Variants in CHN2 observed in about 807,000 individuals in gnomAD.
CHN2 encodes the protein chimerin 2.
Under a neutral mutation model 56.3 loss-of-function variants are expected in CHN2, and 35 were observed. The ratio of observed to expected loss-of-function variants is 0.62; its 90% CI spans 0.47 to 0.82. The LOEUF is 0.82. CHN2 is among the 40% of genes least tolerant of loss of function. CHN2 has a pLI of 0.00. For missense variants in CHN2, 491 were observed against 580.5 expected (o/e 0.85, Z 1.58); for synonymous variants, 210 against 212.8 (o/e 0.99, Z 0.12).
At chr7:29,446,596 C>G (rs533661777) in intron 6 of CHN2, among the ~76,000 whole-genome samples, 2 of 152,182 alleles carry the variant, frequency 1.3e-5, no homozygotes, top group South Asian at 4.1e-4. Context: ...TGCTGTGGGT[C>G]CAGCAGCTAG....
chr7:29,478,838 A>G (rs1786834632), intron 6 of CHN2, among the ~76,000 whole-genome samples: 1 of 152,192 alleles, frequency 6.6e-6, no homozygotes, highest in Non-Finnish European at 1.5e-5. Context: ...TTATTATTGA[A>G]GGTCATGAGA....
At chr7:29,481,574 A>G (rs565254407) in intron 7 of CHN2, among the ~76,000 whole-genome samples, 1 of 151,998 alleles carries the variant, frequency 6.6e-6, no homozygotes, top group South Asian at 2.1e-4. Flanking sequence ...TGCATTGCAT[A>G]GGTCCTCTTC....
intron 1 of CHN2, among the ~76,000 whole-genome samples, chr7:29,325,079 C>G (rs2128897661): frequency 6.6e-6 from 1 of 152,254 alleles, no homozygotes; most frequent in South Asian, 2.1e-4. Flanking sequence ...ATTTTTGACT[C>G]CCTTTACAGT....
intron 6 of CHN2, among the ~76,000 whole-genome samples, chr7:29,422,268 T>C (rs571591950): frequency 1.3e-5 from 2 of 152,366 alleles, no homozygotes; most frequent in East Asian, 1.9e-4. Context: ...TCTTTCAGCC[T>C]GAGCTTTAAG....
chr7:29,406,745 G>A (rs1802685911), intron 6 of CHN2, among the ~76,000 whole-genome samples: 1 of 152,148 alleles, frequency 6.6e-6, no homozygotes, highest in Admixed American at 6.5e-5. Flanking sequence ...ACTCTGGGGT[G>A]CCCTCCGCCA....
chr7:29,488,737 G>C (rs1490274196), intron 7 of CHN2, among the ~76,000 whole-genome samples: 1 of 151,490 alleles, frequency 6.6e-6, no homozygotes, highest in East Asian at 1.9e-4. Context: ...ACAGATATTT[G>C]TGATTTGTCC....
At chr7:29,335,607 G>A (rs1796551318) in intron 1 of CHN2, 3 of 152,236 alleles carry the variant, frequency 2.0e-5, no homozygotes, top group Admixed American at 2.0e-4. Flanking sequence ...CTAGTTGGTA[G>A]TCTGTACTAG....
At chr7:29,332,843 T>C (rs1796325001) in intron 1 of CHN2, 1 of 151,900 alleles carries the variant, frequency 6.6e-6, no homozygotes, top group African/African-American at 2.4e-5. Context: ...GATGATATTT[T>C]CAACTTATGA....
intron 4 of CHN2, among the ~76,000 whole-genome samples, chr7:29,396,488 T>C (rs765821916): frequency 2.8e-5 from 4 of 142,332 alleles, no homozygotes; most frequent in Non-Finnish European, 6.1e-5. Flanking sequence ...AAAAAAAATC[T>C]AGCTGCTTTT....
intron 1 of CHN2, among the ~76,000 whole-genome samples, chr7:29,231,841 A>T (rs1279265328): frequency 6.6e-6 from 1 of 152,212 alleles, no homozygotes; most frequent in Non-Finnish European, 1.5e-5. Flanking sequence ...GTTCATCCTT[A>T]TCATCACATG....
rs867885035 is a variant in CHN2, at chr7:29,513,014, A to G, written c.*279A>G. Reference sequence around the variant, plus strand: ...AGAGTGATTAATACATCTTTAATTTATTAAAAAACAATGTAGACCTTTAAA... The same window carrying G: ...AGAGTGATTAATACATCTTTAATTTGTTAAAAAACAATGTAGACCTTTAAA... On this transcript the variant is annotated 3_prime_UTR_variant, in exon 13 of 13. Transcript: ENST00000222792. 4.6e-5 allele frequency: 13 copies of G among 283,346 alleles called. No homozygotes were observed. Among genetic ancestry groups the G allele is most frequent in the Middle Eastern group, 1.0e-3 (1 of 966 alleles). The allele number at this position is 283,346 out of a possible 1,614,324, so 17.6% of individuals were successfully genotyped here. A position where few individuals can be genotyped will look rare whatever the true frequency, so the allele number is the denominator to read the frequency against.
At chr7:29,299,810 A>G (rs894109810) in intron 1 of CHN2, among the ~76,000 whole-genome samples, 2 of 152,238 alleles carry the variant, frequency 1.3e-5, no homozygotes, top group African/African-American at 2.4e-5. Flanking sequence ...TGTAGAAAGC[A>G]TTTTAAGAAA....
chr7:29,457,030 G>A (rs1415609135), intron 6 of CHN2, among the ~76,000 whole-genome samples: 1 of 152,136 alleles, frequency 6.6e-6, no homozygotes, highest in Non-Finnish European at 1.5e-5. Flanking sequence ...CAAATATTCA[G>A]CTTATTAAGG....
intron 6 of CHN2, among the ~76,000 whole-genome samples, chr7:29,461,906 T>C (rs1037640489): frequency 1.3e-5 from 2 of 152,132 alleles, no homozygotes; most frequent in African/African-American, 4.8e-5. Flanking sequence ...CCTACAGCAG[T>C]GTCTCATACA....
intron 1 of CHN2, among the ~76,000 whole-genome samples, chr7:29,307,575 C>G (rs1049232897): frequency 4.6e-5 from 7 of 152,134 alleles, no homozygotes; most frequent in African/African-American, 1.7e-4. Flanking sequence ...CTGGATTATC[C>G]GAGTGGGCCA....
chr7:29,188,312 G>A (rs1310780625), intron 2 of CHN2, among the ~76,000 whole-genome samples: 2 of 152,052 alleles, frequency 1.3e-5, no homozygotes, highest in Non-Finnish European at 2.9e-5. Context: ...ATTTGCTCAG[G>A]GTCACACAGC....
intron 1 of CHN2, among the ~76,000 whole-genome samples, chr7:29,226,950 T>A (rs1009748662): frequency 1.3e-5 from 2 of 152,202 alleles, no homozygotes; most frequent in Admixed American, 6.5e-5. Context: ...AGAATGGAGT[T>A]GTAATGAATA....
chr7:29,207,177 G>C (rs1032602370), intron 1 of CHN2, among the ~76,000 whole-genome samples: 1 of 152,188 alleles, frequency 6.6e-6, no homozygotes, highest in African/African-American at 2.4e-5. Flanking sequence ...AAGAGAAGGT[G>C]AATCAGTCAT....
At chr7:29,274,782 T>G (rs1791046660) in intron 1 of CHN2, among the ~76,000 whole-genome samples, 1 of 152,238 alleles carries the variant, frequency 6.6e-6, no homozygotes, top group Non-Finnish European at 1.5e-5. Flanking sequence ...AGAAAAATAT[T>G]CAGCTTTGTT....
Sources: gnomAD v4.1 joint callset for allele counts (sites outside exome capture counted in the v4.1 genomes callset) on GRCh38, gnomAD v4.1.1 for gene constraint, MANE v1.5 for transcripts, NCBI Gene and HGNC (gene_info 2026-07-23, HGNC 2026-07-21) for gene names.